DENND11: variants seen among roughly 807,000 people sequenced by gnomAD.
The protein encoded by DENND11 is DENN domain containing 11.
A neutral mutation model predicts 49.2 loss-of-function variants in DENND11; 34 were observed. The ratio of observed to expected loss-of-function variants is 0.69; its 90% CI spans 0.53 to 0.92. DENND11 has a LOEUF of 0.92. Among genes scored for constraint, DENND11 ranks in the 40% least tolerant of loss-of-function variants. The pLI, the probability that DENND11 is intolerant of heterozygous loss-of-function variation, is 0.00. For missense variants in DENND11, 475 were observed against 581.6 expected (o/e 0.82, Z 1.88); for synonymous variants, 238 against 230.3 (o/e 1.03, Z -0.30).
At chr7:141,692,660 C>T (rs1468892543) in intron 1 of DENND11, among the ~76,000 whole-genome samples, 5 of 151,832 alleles carry the variant, frequency 3.3e-5, no homozygotes, top group Non-Finnish European at 7.4e-5. Flanking sequence ...GGCAACATAG[C>T]GAGACCCTGT....
intron 7 of DENND11, 70 bp from the exon 8 acceptor site, chr7:141,664,310 A>T: frequency 8.1e-7 from 1 of 1,237,008 alleles, no homozygotes; most frequent in Non-Finnish European, 1.2e-6. Context: ...GGCCTCAGCC[A>T]GGCATCTTCA....
rs1220357742 is a variant in DENND11, at chr7:141,660,340, C to T, written c.*2316G>A. The T allele has an allele frequency of 1.3e-5, 2 of 152,264 alleles. No homozygotes were observed. Among genetic ancestry groups the T allele is most frequent in the African/African-American group, 2.4e-5 (1 of 41,450 alleles). 9.4% of individuals were successfully genotyped at this position (152,264 alleles called of 1,614,324 possible). ...GAAACATGGCACTGCCTCACTGGCA[C>T]GTTCTCCTCTGGGGCCACCCATACC... On this transcript the variant is annotated 3_prime_UTR_variant, in exon 9 of 9. Transcript: ENST00000536163.
At chr7:141,686,481 T>C (rs1039870160) in intron 2 of DENND11, 78 bp downstream of exon 2, 28 of 885,630 alleles carry the variant, frequency 3.2e-5, no homozygotes, top group Non-Finnish European at 5.0e-5. Flanking sequence ...GACCTCCTAA[T>C]AAGAGCCCTT....
intron 1 of DENND11, among the ~76,000 whole-genome samples, chr7:141,701,321 G>A (rs962173580): frequency 2.7e-5 from 4 of 150,846 alleles, no homozygotes; most frequent in Non-Finnish European, 5.9e-5. Flanking sequence ...GAACTTGGCC[G>A]CTAGGAAAGT....
At chr7:141,671,855 AT>A (rs1296918709) in intron 4 of DENND11, among the ~76,000 whole-genome samples, 1 of 152,160 alleles carries the variant, frequency 6.6e-6, no homozygotes, top group African/African-American at 2.4e-5. Context: ...TTTCTTAATG[AT>A]TGTCTCTCAG....
At chr7:141,677,907 G>A (rs955597947) in intron 3 of DENND11, among the ~76,000 whole-genome samples, 1 of 151,914 alleles carries the variant, frequency 6.6e-6, no homozygotes, top group Non-Finnish European at 1.5e-5. Flanking sequence ...ATGATACACC[G>A]GAAAGGTTAA....
At chr7:141,679,064 G>T (rs1009608084) in intron 3 of DENND11, among the ~76,000 whole-genome samples, 1 of 152,180 alleles carries the variant, frequency 6.6e-6, no homozygotes, top group African/African-American at 2.4e-5. Flanking sequence ...ATAAAACACA[G>T]ATTAAGTGTT....
At chr7:141,683,753 C>T (rs1161573672) in intron 3 of DENND11, among the ~76,000 whole-genome samples, 6 of 152,126 alleles carry the variant, frequency 3.9e-5, no homozygotes, top group Non-Finnish European at 7.4e-5. Context: ...TTCTCCAAAA[C>T]GACTAATTTC....
chr7:141,675,601 C>T (rs548887547), intron 3 of DENND11, among the ~76,000 whole-genome samples: 92 of 152,256 alleles, frequency 6.0e-4, no homozygotes, highest in African/African-American at 2.0e-3. Flanking sequence ...AGGCACTCCC[C>T]GCTGCCACAC....
intron 3 of DENND11, among the ~76,000 whole-genome samples, chr7:141,680,532 A>G (rs1208617878): frequency 6.6e-6 from 1 of 151,920 alleles, no homozygotes; most frequent in African/African-American, 2.4e-5. Flanking sequence ...GGACACACGG[A>G]CGCCCAGCTA....
Position 141,685,464 on chromosome 7 carries a change from C to T in DENND11, c.527+14G>A, listed in dbSNP as rs777822653. The T allele has an allele frequency of 5.1e-5, 82 of 1,613,198 alleles. No individual in the cohort carries two copies. Among genetic ancestry groups the T allele is most frequent in the Middle Eastern group, 1.7e-4 (1 of 6,060 alleles). On this transcript the variant is annotated intron_variant, in intron 3 of 8. Coordinates refer to ENST00000536163, the MANE Select transcript of DENND11 (RefSeq NM_001080392.2). ...ATCCTGCTGCCTCCCTGCACATGTA[C>T]GGAAGCCACGTACCGAACCTGGTTC...
intron 1 of DENND11, among the ~76,000 whole-genome samples, chr7:141,701,127 C>T (rs1457464828): frequency 6.6e-6 from 1 of 152,048 alleles, no homozygotes; most frequent in East Asian, 1.9e-4. Flanking sequence ...CTGGAAAACG[C>T]ACACCCCCCT....
chr7:141,673,946 C>A (rs181636453), intron 4 of DENND11, 121 bp downstream of exon 4: 2 of 1,244,248 alleles, frequency 1.6e-6, no homozygotes, highest in Non-Finnish European at 2.2e-6. Context: ...TCTGTTCTAT[C>A]AAAAGTAGAC....
intron 3 of DENND11, among the ~76,000 whole-genome samples, chr7:141,683,119 C>T (rs1427331091): frequency 6.6e-6 from 1 of 151,892 alleles, no homozygotes; most frequent in African/African-American, 2.4e-5. Context: ...TATAGGACAG[C>T]TCCAGCATTG....
intron 1 of DENND11, 105 bp from the exon 2 acceptor site, chr7:141,686,763 C>A: frequency 1.3e-6 from 1 of 754,896 alleles, no homozygotes; most frequent in South Asian, 1.6e-5. Flanking sequence ...CGACTGCTGA[C>A]TCAGCCTCAG....
intron 5 of DENND11, among the ~76,000 whole-genome samples, chr7:141,665,598 G>A (rs986303327): frequency 3.9e-5 from 6 of 152,188 alleles, no homozygotes; most frequent in East Asian, 3.9e-4. Flanking sequence ...TCAGAACTCC[G>A]GCCTCTGTAA....
At chr7:141,693,578 C>T (rs1442969724) in intron 1 of DENND11, among the ~76,000 whole-genome samples, 1 of 152,178 alleles carries the variant, frequency 6.6e-6, no homozygotes, top group African/African-American at 2.4e-5. Flanking sequence ...TGGCCCAAAA[C>T]TGGAAAACAA....
At position 141,660,067 on chromosome 7, in the gene DENND11, G is replaced by A. The variant is rs939446081; in HGVS notation, c.*2589C>T. The A allele has an allele frequency of 2.6e-5, 4 of 152,148 alleles. No homozygotes were observed. Among genetic ancestry groups the A allele is most frequent in the Non-Finnish European group, 4.4e-5 (3 of 68,040 alleles). 9.4% of individuals were successfully genotyped at this position (152,148 alleles called of 1,614,324 possible). ...AGAATCTGGCATAGAGCAAGGCTTC[G>A]AAAGGTGATTTCCGAAGCCACAGGC... On this transcript the variant is annotated 3_prime_UTR_variant, in exon 9 of 9. Transcript: ENST00000536163.
chr7:141,668,203 A>T (rs12674057), intron 4 of DENND11, among the ~76,000 whole-genome samples: 17,218 of 152,228 alleles, frequency 0.11, 1,373 homozygotes, highest in East Asian at 0.35. Context: ...AGAATGGGGC[A>T]TGGTGGAGCA....
Sources: gnomAD v4.1 joint callset for allele counts (sites outside exome capture counted in the v4.1 genomes callset) on GRCh38, gnomAD v4.1.1 for gene constraint, MANE v1.5 for transcripts, NCBI Gene and HGNC (gene_info 2026-07-23, HGNC 2026-07-21) for gene names.